Variants in SPTBN2 observed in about 807,000 individuals in gnomAD.
SPTBN2 encodes spectrin beta chain, non-erythrocytic 2.
A neutral mutation model predicts 284.2 loss-of-function variants in SPTBN2; 107 were observed. That is an observed-to-expected ratio of 0.38 (90% CI 0.32 to 0.44). The LOEUF is 0.44. SPTBN2 is among the 20% of genes least tolerant of loss of function. The probability of loss-of-function intolerance (pLI) is 1.00; values close to 1 mark genes in which losing one functional copy is unlikely to be tolerated. For missense variants in SPTBN2, 2,569 were observed against 3,287.1 expected, an observed-to-expected ratio of 0.78 and a Z score of 5.34; for synonymous variants, 1,289 against 1,354.8, an observed-to-expected ratio of 0.95 and a Z score of 1.07.
rs1189154295 is a variant in SPTBN2 at position 66,721,345 on chromosome 11, C to T, written c.-23+5G>A. The T allele has an allele frequency of 6.9e-7, 1 of 1,450,490 alleles. No homozygotes were observed. The highest frequency in any genetic ancestry group is 9.6e-7 in the Non-Finnish European group (1 of 1,037,678). The allele number at this position is 1,450,490 out of a possible 1,614,324, so 89.9% of individuals were successfully genotyped here. A position where few individuals can be genotyped will look rare whatever the true frequency, so the allele number is the denominator to read the frequency against. On this transcript the variant is annotated splice_donor_5th_base_variant and intron_variant, in intron 2 of 37. Coordinates refer to ENST00000533211, the MANE Select transcript of SPTBN2 (RefSeq NM_006946.4). ...CCACCGGGGCCTTCTGTCTTCTTGC[C>T]CTACCTGTGCTCCGCTCTCCTTGTG...
Position 66,686,057 on chromosome 11 carries a change from T to C in SPTBN2, c.6987A>G (p.Thr2329=). Residue 2329 remains threonine (T), a synonymous_variant, in exon 38 of 38, where the codon ACA becomes ACG. Transcript: ENST00000533211. ...WLRVVNAAIA[T]ASSASGEPEE... ...CAGGCTCTCCAGAGGCAGAAGACGC[T>C]GTGGCAATGGCTGCATTCACCACCC... The C allele has an allele frequency of 1.9e-6, 3 of 1,613,864 alleles. No individual in the cohort carries two copies. Among genetic ancestry groups the C allele is most frequent in the Non-Finnish European group, 2.5e-6 (3 of 1,179,998 alleles).
In SPTBN2 at chr11:66,704,804, C is replaced by G. The variant is rs913464511; in HGVS notation, c.2472G>C (p.Gln824His). The G allele has an allele frequency of 1.9e-6, 3 of 1,605,508 alleles. No individual in the cohort carries two copies. The African/African-American group carries it at 4.0e-5, about 21-fold the overall frequency. Residue 824 changes from glutamine to histidine, a missense_variant, in exon 15 of 38, where the codon CAG (glutamine) becomes CAC (histidine). Transcript: ENST00000533211. ...PPTLSRTPEVQSRVPTLERHY... is the reference protein window; with the variant it reads ...PPTLSRTPEVHSRVPTLERHY... ...GCCGCTCCAGGGTGGGCACCCGGCTCTGCACCTCGGGCGTGCGGCTCAGTG... is the reference window on the plus strand; with the variant it reads ...GCCGCTCCAGGGTGGGCACCCGGCTGTGCACCTCGGGCGTGCGGCTCAGTG...
At chr11:66,743,535 T>C (rs569722967) in intron 1 of SPTBN2, among the ~76,000 whole-genome samples, 1 of 152,174 alleles carries the variant, frequency 6.6e-6, no homozygotes, top group Non-Finnish European at 1.5e-5. Flanking sequence ...CAGGGTTTTC[T>C]TTTGGCTGTC....
intron 6 of SPTBN2, 54 bp from the exon 7 acceptor site, chr11:66,714,225 T>C (rs1279627319): frequency 1.2e-6 from 2 of 1,608,512 alleles, no homozygotes; most frequent in Non-Finnish European, 1.7e-6. Flanking sequence ...GTTCTATGAC[T>C]CCAGGGCAGT....
chr11:66,701,234 G>A lies in SPTBN2; in HGVS notation c.2865C>T (p.Thr955=). 1 of 1,613,046 alleles carries A rather than the reference G, an allele frequency of 6.2e-7. No individual in the cohort carries two copies. Among genetic ancestry groups the A allele is most frequent in the Non-Finnish European group, 8.5e-7 (1 of 1,180,048 alleles). The change falls in exon 17 of 38, where the codon ACC becomes ACT. Residue 955 remains threonine, a synonymous_variant. Transcript: ENST00000533211. Reference sequence around the variant, plus strand: ...GGTAGTTCTGGATGCTCAGGGCTGAGGTGAGAGCTGCCTTCTTGCCGTCTG... The same window carrying A: ...GGTAGTTCTGGATGCTCAGGGCTGAAGTGAGAGCTGCCTTCTTGCCGTCTG... ...RLADGKKAAL[T]SALSIQNYHL...
At position 66,708,270 on chromosome 11, in the gene SPTBN2, G is replaced by A. The variant is rs143596433; in HGVS notation, c.1221C>T (p.His407=). Residue 407 remains histidine, a synonymous_variant, in exon 12 of 38, where the codon CAC becomes CAT. Coordinates refer to ENST00000533211, the MANE Select transcript of SPTBN2 (RefSeq NM_006946.4). The surrounding 1 kb of genome is among the most constrained non-coding windows in gnomAD (Gnocchi z 4.4). ...KAWERLEKAE[H]ERELALRTEL... ...CGGTGCGCAGGGCCAGCTCACGCTC[G>A]TGCTCCGCCTTCTCCAGCCGCTCCC... The A allele has an allele frequency of 2.4e-3, 3,912 of 1,600,646 alleles. 9 individuals are homozygous for A. Among genetic ancestry groups the A allele is most frequent in the Admixed American group, 3.1e-3 (187 of 59,614 alleles).
intron 3 of SPTBN2, among the ~76,000 whole-genome samples, chr11:66,716,392 C>A (rs1485668631): frequency 6.6e-6 from 1 of 151,582 alleles, no homozygotes; most frequent in Non-Finnish European, 1.5e-5. Flanking sequence ...CTGAGGCAGA[C>A]TGACGTGAAC....
chr11:66,718,460 C>T lies in SPTBN2; in HGVS notation c.158-2479G>A, dbSNP rs573331160. On this transcript the variant is annotated intron_variant, in intron 3 of 37. Coordinates refer to ENST00000533211, the MANE Select transcript of SPTBN2 (RefSeq NM_006946.4). The surrounding 1 kb of genome is among the most constrained non-coding windows in gnomAD (Gnocchi z 4.8). ...GGCCTCACCTTGCAGCTGTTTGAAG[C>T]GTCCTTCCAGCACGCTGGCATACTG... 2.6e-5 allele frequency among the ~76,000 whole-genome samples: 4 copies of T among 152,342 alleles called. No homozygotes were observed. The highest frequency in any genetic ancestry group is 2.1e-4 in the South Asian group (1 of 4,824).
intron 3 of SPTBN2, among the ~76,000 whole-genome samples, chr11:66,717,850 C>T (rs1942216534): frequency 6.6e-6 from 1 of 152,132 alleles, no homozygotes. Context: ...ACAGTGATTC[C>T]CAAAAACACA....
At position 66,707,877 on chromosome 11, in the gene SPTBN2, C is replaced by T; in HGVS notation, c.1351-59G>A. 6.3e-7 allele frequency: 1 copy of T among 1,585,710 alleles called. No homozygotes were observed. ...CCAAGGGACAGTGCCTCTGCCTGCT[C>T]CTCTGTCCTGCAGGGCACTTGGCCT... On this transcript the variant is annotated intron_variant, in intron 12 of 37. Transcript: ENST00000533211. This position sits in a 1 kb window ranked among gnomAD's most constrained non-coding sequence, Gnocchi z 4.9.
Position 66,700,756 on chromosome 11 carries a change from C to G in SPTBN2, c.3343G>C (p.Glu1115Gln). 6.2e-7 allele frequency: 1 copy of G among 1,602,406 alleles called. No homozygotes were observed. Among genetic ancestry groups the G allele is most frequent in the Non-Finnish European group, 8.5e-7 (1 of 1,179,776 alleles). ...AQHAALRGEV[E>Q]RAQSEYSRLR... ...CGGCTATACTCGCTCTGGGCCCGCT[C>G]CACCTCTCCCCGCAGGGCTGCATGT... The change falls in exon 17 of 38, where the codon GAG (glutamate) becomes CAG (glutamine). Residue 1115 changes from glutamate to glutamine, a missense_variant. Glu to Gln is a conservative substitution (Grantham distance 29). Around this residue, in one of 6 missense-constraint regions of SPTBN2, gnomAD observed 1,012 missense variants for 1,248.9 expected, o/e 0.81. Coordinates refer to ENST00000533211, the MANE Select transcript of SPTBN2 (RefSeq NM_006946.4). This position sits in a 1 kb window ranked among gnomAD's most constrained non-coding sequence, Gnocchi z 6.6.
exon 1 of SPTBN2, chr11:66,744,667 C>T: frequency 1.9e-6 from 1 of 531,654 alleles, no homozygotes. Context: ...TCTCGGGGCC[C>T]TGCAGCGTCG....
In SPTBN2 at chr11:66,688,299, C is replaced by T. The variant is rs1431223627; in HGVS notation, c.6244G>A (p.Glu2082Lys). The T allele has an allele frequency of 6.3e-7, 1 of 1,598,490 alleles. No individual in the cohort carries two copies. The highest frequency in any genetic ancestry group is 1.7e-5 in the Admixed American group (1 of 57,532). ...LEKLTALEER[E>K]KERKRKREEE... ...TCCCTCTTTCTCTTTCGCTCCTTCTCCCGCTCCTCTAGCTGTCAAAAAATG... is the reference window on the plus strand; with the variant it reads ...TCCCTCTTTCTCTTTCGCTCCTTCTTCCGCTCCTCTAGCTGTCAAAAAATG... Residue 2082 changes from glutamate (E) to lysine (K), a missense_variant, in exon 32 of 38, where the codon GAG becomes AAG. Physicochemically the swap from Glu to Lys is moderately conservative, Grantham distance 56. This residue lies in a region of SPTBN2 where 1,130 missense variants were observed against 1,317.3 expected (regional missense o/e 0.86). Transcript: ENST00000533211.
Position 66,715,737 on chromosome 11 carries a change from G to T in SPTBN2, c.309+93C>A. 1 of 1,539,506 alleles carries T rather than the reference G, an allele frequency of 6.5e-7. No homozygotes were observed. Among genetic ancestry groups the T allele is most frequent in the Non-Finnish European group, 8.8e-7 (1 of 1,135,524 alleles). On this transcript the variant is annotated intron_variant, in intron 4 of 37. Coordinates refer to ENST00000533211, the MANE Select transcript of SPTBN2 (RefSeq NM_006946.4). This position sits in a 1 kb window ranked among gnomAD's most constrained non-coding sequence, Gnocchi z 5.3. Reference sequence around the variant, plus strand: ...AGAGGGAGCCACTGCTTCCCGCCCTGTGCCGTCACTCTCTCTGAGGGCTGT... The same window carrying T: ...AGAGGGAGCCACTGCTTCCCGCCCTTTGCCGTCACTCTCTCTGAGGGCTGT...
At position 66,690,650 on chromosome 11, in the gene SPTBN2, G is replaced by C. The variant is rs369960935; in HGVS notation, c.5566-367C>G. ...TCTAGTGGTTGAAGGAAGGATCCAT[G>C]CTTACTGAGTGTGAGCCTAGAGCTC... On this transcript the variant is annotated intron_variant, in intron 27 of 37. Coordinates refer to ENST00000533211, the MANE Select transcript of SPTBN2 (RefSeq NM_006946.4). 1.4e-3 allele frequency among the ~76,000 whole-genome samples: 208 copies of C among 152,292 alleles called. 2 individuals are homozygous for C. In the Middle Eastern group the frequency reaches 0.034, roughly 25 times the overall value.
rs778615539 is a variant in SPTBN2 at position 66,705,318 on chromosome 11, G to C, written c.1958C>G (p.Ala653Gly). The change falls in exon 15 of 38, where the codon GCT (alanine) becomes GGT (glycine). Residue 653 changes from alanine to glycine, a missense_variant. This residue lies in a region of SPTBN2 where 1,012 missense variants were observed against 1,248.9 expected (regional missense o/e 0.81). Transcript: ENST00000533211. Reference sequence around the variant, plus strand: ...CTGCTGCTCCCGCACCCAGGCCTCAGCTTCACCCACCTCCCAGAGGAAACG... The same window carrying C: ...CTGCTGCTCCCGCACCCAGGCCTCACCTTCACCCACCTCCCAGAGGAAACG... ...LWRFLWEVGE[A>G]EAWVREQQHL... The C allele has an allele frequency of 6.8e-6, 11 of 1,608,604 alleles. 1 individual carries two copies. Among genetic ancestry groups the C allele is most frequent in the Non-Finnish European group, 9.3e-6 (11 of 1,179,504 alleles).
Position 66,691,454 on chromosome 11 carries a change from C to T in SPTBN2, c.5395G>A (p.Ala1799Thr), listed in dbSNP as rs762519261. The T allele has an allele frequency of 1.1e-5, 18 of 1,611,700 alleles. No individual in the cohort carries two copies. The Middle Eastern group carries it at 4.9e-4, about 44-fold the overall frequency. The part of the protein sequence containing the change: ...LLDTRGQVLA[A>T]AYELQRFLHG... ...AGGAAGCGCTGCAGCTCGTACGCCG[C>T]GGCCAGCACCTGACCCCGTGTGTCC... The change falls in exon 27 of 38, where the codon GCG becomes ACG. Residue 1799 changes from alanine (A) to threonine (T), a missense_variant. Ala to Thr is a moderately conservative substitution (Grantham distance 58). This residue lies in a region of SPTBN2 where 1,130 missense variants were observed against 1,317.3 expected (regional missense o/e 0.86). Transcript: ENST00000533211. The surrounding 1 kb of genome is among the most constrained non-coding windows in gnomAD (Gnocchi z 8.0).
chr11:66,691,435 C>A lies in SPTBN2; in HGVS notation c.5414G>T (p.Arg1805Leu). 1 of 1,612,106 alleles carries A rather than the reference C, an allele frequency of 6.2e-7. No individual in the cohort carries two copies. The highest frequency in any genetic ancestry group is 1.1e-5 in the South Asian group (1 of 91,046). Residue 1805 changes from arginine to leucine, a missense_variant, in exon 27 of 38, where the codon CGC becomes CTC. Coordinates refer to ENST00000533211, the MANE Select transcript of SPTBN2 (RefSeq NM_006946.4). This position sits in a 1 kb window ranked among gnomAD's most constrained non-coding sequence, Gnocchi z 8.0. ...QVLAAAYELQRFLHGARQALA... is the reference protein window; with the variant it reads ...QVLAAAYELQLFLHGARQALA... ...GGCTTGGCGTGCCCCGTGCAGGAAG[C>A]GCTGCAGCTCGTACGCCGCGGCCAG...
At chr11:66,734,439 G>A (rs1942838833) in intron 1 of SPTBN2, among the ~76,000 whole-genome samples, 1 of 152,126 alleles carries the variant, frequency 6.6e-6, no homozygotes, top group African/African-American at 2.4e-5. Context: ...ACTTGCACTT[G>A]GCACTCTGTG....
Sources: allele counts gnomAD v4.1 joint callset (sites outside exome capture counted in the v4.1 genomes callset), GRCh38; gene constraint gnomAD v4.1.1; regional missense constraint gnomAD v4.1.1; non-coding constraint Gnocchi (gnomAD v3.1); transcripts MANE v1.5; gene names NCBI Gene and HGNC (gene_info 2026-07-23, HGNC 2026-07-21).